Variants in EYS observed in about 807,000 individuals in gnomAD.
The protein encoded by EYS is EGF-like photoreceptor maintenance factor, also known as protein eyes shut homolog.
Under a neutral mutation model 282.1 loss-of-function variants are expected in EYS, and 250 were observed. The ratio of observed to expected loss-of-function variants is 0.89; its 90% CI spans 0.80 to 0.98. EYS has a LOEUF of 0.98. EYS is among the 50% of genes least tolerant of loss of function. The probability of loss-of-function intolerance (pLI) is 0.00; values close to 1 mark genes in which losing one functional copy is unlikely to be tolerated. For synonymous variants in EYS, 1,355 were observed against 1,282.9 expected (o/e 1.06, Z -1.20); for missense variants, 4,016 against 3,709.0 (o/e 1.08, Z -2.15).
intron 12 of EYS, among the ~76,000 whole-genome samples, chr6:65,067,462 T>A (rs971369296): frequency 6.6e-6 from 1 of 152,070 alleles, no homozygotes; most frequent in African/African-American, 2.4e-5. Context: ...GTTTTAGATA[T>A]GATGTGAAGA....
intron 29 of EYS, among the ~76,000 whole-genome samples, chr6:64,388,449 A>G (rs1315177770): frequency 1.3e-5 from 2 of 152,180 alleles, no homozygotes; most frequent in Non-Finnish European, 1.5e-5. Flanking sequence ...TAGCCATAAG[A>G]TGGAAAAACA....
chr6:64,491,189 T>C (rs541655683), intron 26 of EYS, among the ~76,000 whole-genome samples: 4 of 151,022 alleles, frequency 2.6e-5, no homozygotes, highest in Middle Eastern at 3.4e-3. Context: ...CACAAGCTTA[T>C]AAAGCAATTT....
At chr6:65,403,103 G>C (rs185396689) in intron 6 of EYS, among the ~76,000 whole-genome samples, 1 of 151,986 alleles carries the variant, frequency 6.6e-6, no homozygotes, top group Non-Finnish European at 1.5e-5. Flanking sequence ...GACACTTTCC[G>C]ATGGCAACCT....
intron 18 of EYS, among the ~76,000 whole-genome samples, chr6:64,896,414 C>G (rs1340291968): frequency 6.6e-6 from 1 of 152,150 alleles, no homozygotes; most frequent in East Asian, 1.9e-4. Flanking sequence ...AGATACTATG[C>G]TTTTCTCATG....
chr6:63,832,107 G>A (rs946340164), intron 36 of EYS, among the ~76,000 whole-genome samples: 1 of 152,038 alleles, frequency 6.6e-6, no homozygotes, highest in Non-Finnish European at 1.5e-5. Flanking sequence ...GCCCACAAAA[G>A]AAAGCAGGAA....
intron 36 of EYS, among the ~76,000 whole-genome samples, chr6:63,826,846 A>AAAAAAAAAAAAAAAAAG (rs1771479114): frequency 7.7e-4 from 2 of 2,608 alleles, no homozygotes; most frequent in African/African-American, 2.8e-3. Flanking sequence ...GTTAAAAAGC[A>AAAAAAAAAAAAAAAAAG]AAAAAAAAAA....
intron 12 of EYS, among the ~76,000 whole-genome samples, chr6:65,252,256 C>T (rs148400925): frequency 5.3e-4 from 81 of 151,882 alleles, no homozygotes; most frequent in African/African-American, 1.7e-3. Context: ...CCTAAATCAC[C>T]CCTGTGTTGC....
At chr6:65,235,797 CATT>C (rs1340704881) in intron 12 of EYS, among the ~76,000 whole-genome samples, 2 of 151,906 alleles carry the variant, frequency 1.3e-5, no homozygotes, top group African/African-American at 4.8e-5. Context: ...TTGTAATAAT[CATT>C]ATTATGAGTA....
chr6:64,359,442 C>T (rs1771933123), intron 29 of EYS, among the ~76,000 whole-genome samples: 2 of 151,650 alleles, frequency 1.3e-5, no homozygotes, highest in South Asian at 2.1e-4. Flanking sequence ...AAATTCTGTA[C>T]CACTTGAAGT....
intron 15 of EYS, among the ~76,000 whole-genome samples, chr6:64,939,970 T>C (rs1769034174): frequency 6.6e-6 from 1 of 151,834 alleles, no homozygotes; most frequent in African/African-American, 2.4e-5. Context: ...AACAAAACAA[T>C]CCCCTGTCAT....
chr6:64,138,211 G>T (rs1774227884), intron 31 of EYS, among the ~76,000 whole-genome samples: 2 of 152,282 alleles, frequency 1.3e-5, no homozygotes, highest in South Asian at 4.1e-4. Context: ...AGACGAGGAA[G>T]GGTTGACATT....
At chr6:64,143,680 G>A (rs1438011273) in intron 31 of EYS, among the ~76,000 whole-genome samples, 3 of 152,184 alleles carry the variant, frequency 2.0e-5, no homozygotes, top group African/African-American at 4.8e-5. Flanking sequence ...GGGCATGGAT[G>A]TTCTCGGCTT....
At chr6:64,179,341 G>T (rs1764725497) in intron 31 of EYS, among the ~76,000 whole-genome samples, 1 of 151,934 alleles carries the variant, frequency 6.6e-6, no homozygotes, top group Non-Finnish European at 1.5e-5. Context: ...TGAGACTCAA[G>T]AAATTAAGTT....
chr6:64,054,335 A>G (rs962413316), intron 33 of EYS, among the ~76,000 whole-genome samples: 4 of 151,284 alleles, frequency 2.6e-5, no homozygotes, highest in Non-Finnish European at 5.9e-5. Context: ...AATTTCATAG[A>G]AAAAAAACCC....
chr6:64,892,694 TACTC>T (rs1360434962), intron 18 of EYS, among the ~76,000 whole-genome samples: 2 of 152,106 alleles, frequency 1.3e-5, no homozygotes, highest in African/African-American at 4.8e-5. Context: ...TTATTTATCA[TACTC>T]ACAACATGTC....
intron 5 of EYS, among the ~76,000 whole-genome samples, chr6:65,474,469 A>G (rs1765329382): frequency 6.6e-6 from 1 of 152,088 alleles, no homozygotes; most frequent in Admixed American, 6.5e-5. Context: ...GAGAATGACA[A>G]TGTATGATTT....
At chr6:64,453,280 AG>A (rs1775429115) in intron 26 of EYS, among the ~76,000 whole-genome samples, 1 of 152,248 alleles carries the variant, frequency 6.6e-6, no homozygotes, top group Non-Finnish European at 1.5e-5. Flanking sequence ...TGGCCATCAG[AG>A]AAATGCAAAT....
Position 65,576,348 on chromosome 6 carries a change from T to A in EYS, c.-333+63430A>T, listed in dbSNP as rs563799101. 2.0e-4 allele frequency among the ~76,000 whole-genome samples: 31 copies of A among 151,970 alleles called. 1 individual carries two copies. Among genetic ancestry groups the A allele is most frequent in the Admixed American group, 1.7e-3 (26 of 15,228 alleles). On this transcript the variant is annotated intron_variant, in intron 2 of 42. Coordinates refer to ENST00000503581, the MANE Select transcript of EYS (RefSeq NM_001142800.2). ...AAAGTGATATGATTATCTCAATGCATGCATCAAATAAGTTTGAAAAAAATC... is the reference window on the plus strand; with the variant it reads ...AAAGTGATATGATTATCTCAATGCAAGCATCAAATAAGTTTGAAAAAAATC...
At chr6:64,671,730 T>A (rs1046315110) in intron 22 of EYS, among the ~76,000 whole-genome samples, 3 of 151,146 alleles carry the variant, frequency 2.0e-5, no homozygotes, top group Non-Finnish European at 3.0e-5. Flanking sequence ...TAATAGAATT[T>A]AAAAAAAAAC....
Sources: gnomAD v4.1 joint callset for allele counts (sites outside exome capture counted in the v4.1 genomes callset) on GRCh38, gnomAD v4.1.1 for gene constraint, MANE v1.5 for transcripts, NCBI Gene and HGNC (gene_info 2026-07-23, HGNC 2026-07-21) for gene names.